The following CPM variants were observed in gnomAD, a reference collection of about 807,000 sequenced individuals.
The protein encoded by CPM is renal carboxypeptidase.
A neutral mutation model predicts 46.4 loss-of-function variants in CPM; 35 were observed. That is an observed-to-expected ratio of 0.75 (90% CI 0.58 to 1.00). The LOEUF (loss-of-function observed/expected upper bound fraction) is 1.00, where lower values mean the gene tolerates loss of function less well. Ranked by LOEUF, CPM falls within the 50% of genes least tolerant of loss-of-function variation. CPM has a pLI of 0.00. For missense variants in CPM, 422 were observed against 530.4 expected, an observed-to-expected ratio of 0.80 and a Z score of 2.01; for synonymous variants, 195 against 195.3, an observed-to-expected ratio of 1.00 and a Z score of 0.01.
At chr12:68,869,046 GGT>G (rs991619708) in intron 6 of CPM, among the ~76,000 whole-genome samples, 10 of 152,248 alleles carry the variant, frequency 6.6e-5, no homozygotes, top group African/African-American at 2.2e-4. Flanking sequence ...TCCAGGGTGA[GGT>G]GTGTGTCTTG....
chr12:68,855,674 T>C lies in CPM; in HGVS notation c.*763A>G, dbSNP rs558497307. 2.0e-5 allele frequency: 3 copies of C among 152,212 alleles called. No individual in the cohort carries two copies. The South Asian group carries it at 6.3e-4, about 32-fold the overall frequency. 9.4% of individuals were successfully genotyped at this position (152,212 alleles called of 1,614,324 possible). A position where few individuals can be genotyped will look rare whatever the true frequency, so the allele number is the denominator to read the frequency against. On this transcript the variant is annotated 3_prime_UTR_variant, in exon 9 of 9. Coordinates refer to ENST00000551568, the MANE Select transcript of CPM (RefSeq NM_198320.5). Reference sequence around the variant, plus strand: ...TCTCCCTTCTTCTGAGAACTAATTATATATGGCACTTAATATCTATTCACA... The same window carrying C: ...TCTCCCTTCTTCTGAGAACTAATTACATATGGCACTTAATATCTATTCACA...
intron 5 of CPM, chr12:68,845,464 A>G (rs1884216381): frequency 4.8e-6 from 1 of 207,276 alleles, no homozygotes; most frequent in East Asian, 7.4e-5. Context: ...CTTATTCATA[A>G]TGCATCTGAA....
intron 5 of CPM, 40 bp downstream of exon 5, chr12:68,870,175 C>A: frequency 6.3e-7 from 1 of 1,586,566 alleles, no homozygotes; most frequent in Non-Finnish European, 8.6e-7. Flanking sequence ...CAGCCCCACT[C>A]TGGACTTAAG....
intron 1 of CPM, among the ~76,000 whole-genome samples, chr12:68,950,357 C>A (rs1378843818): frequency 6.6e-6 from 1 of 151,986 alleles, no homozygotes; most frequent in Non-Finnish European, 1.5e-5. Context: ...TGTTATAAAT[C>A]TTGGGTTTCA....
chr12:68,936,187 A>G (rs781646991), upstream of CPM, among the ~76,000 whole-genome samples: 85 of 152,038 alleles, frequency 5.6e-4, no homozygotes, highest in Admixed American at 1.6e-3. Context: ...CTGTCACTCC[A>G]CTCCAAACCT....
At chr12:68,873,424 T>A (rs777632372) in intron 3 of CPM, among the ~76,000 whole-genome samples, 5 of 152,098 alleles carry the variant, frequency 3.3e-5, no homozygotes, top group Non-Finnish European at 5.9e-5. Flanking sequence ...ATGCCTGTAA[T>A]CTCAGCACTT....
In CPM at chr12:68,869,432, T is replaced by C. The variant is rs767872359; in HGVS notation, c.680A>G (p.His227Arg). 1.7e-5 allele frequency: 28 copies of C among 1,613,714 alleles called. No individual in the cohort carries two copies. In the African/African-American group the frequency reaches 3.7e-4, roughly 22 times the overall value. Residue 227 changes from histidine to arginine, a missense_variant, in exon 6 of 9, where the codon CAT becomes CGT. His to Arg is a conservative substitution (Grantham distance 29, BLOSUM62 0). Transcript: ENST00000551568. The part of the protein sequence containing the change: ...PDDDVFQYLA[H>R]TYASRNPNMK... ...GTTGGGATTTCTTGAAGCATAGGTA[T>C]GTGCAAGATATTGAAAAACATCATC...
At chr12:68,844,112 G>A (rs1884055669) in intron 5 of CPM, 1 of 207,374 alleles carries the variant, frequency 4.8e-6, no homozygotes, top group South Asian at 1.9e-4. Flanking sequence ...CATGTTTATG[G>A]GTTATTAAAA....
At chr12:68,961,878 T>C (rs1889119819) in intron 1 of CPM, among the ~76,000 whole-genome samples, 1 of 152,116 alleles carries the variant, frequency 6.6e-6, no homozygotes, top group Non-Finnish European at 1.5e-5. Context: ...AAGTGTTTCG[T>C]GGTCTTTTTA....
intron 2 of CPM, among the ~76,000 whole-genome samples, chr12:68,928,174 T>C (rs1888349574): frequency 6.6e-6 from 1 of 152,172 alleles, no homozygotes; most frequent in Non-Finnish European, 1.5e-5. Context: ...AAAGCAGAGA[T>C]ATAAATCAAT....
At chr12:68,958,026 C>CT (rs1292634615) in intron 1 of CPM, among the ~76,000 whole-genome samples, 6 of 152,094 alleles carry the variant, frequency 3.9e-5, no homozygotes, top group African/African-American at 9.7e-5. Context: ...AAAACTCATC[C>CT]TTTTTTATGG....
Position 68,938,807 on chromosome 12 carries a change from TACACACAC to T in CPM, c.-3-5975_-3-5968del, listed in dbSNP as rs745482830. Among the ~76,000 whole-genome samples the T allele has an allele frequency of 2.0e-5, 3 of 149,750 alleles. No homozygotes were observed. The East Asian group carries it at 5.8e-4, about 29-fold the overall frequency. On this transcript the variant is annotated intron_variant, in intron 1 of 8. Transcript: ENST00000546373. ...AAAGACATGAGAAAATATGTGTGTA[TACACACAC>T]ACACACACGTATATCTATATGTGTA...
At chr12:68,890,035 C>T (rs2870826) in intron 2 of CPM, among the ~76,000 whole-genome samples, 1 of 152,152 alleles carries the variant, frequency 6.6e-6, no homozygotes, top group African/African-American at 2.4e-5. Flanking sequence ...TGCCTGTACC[C>T]AGGTGCTCAT....
Position 68,919,826 on chromosome 12 carries a change from C to T in CPM, c.160+12852G>A, listed in dbSNP as rs146576676. Among the ~76,000 whole-genome samples the T allele has an allele frequency of 4.0e-3, 604 of 152,298 alleles. 4 individuals carry two copies. The highest frequency in any genetic ancestry group is 0.014 in the African/African-American group (579 of 41,562). On this transcript the variant is annotated intron_variant, in intron 2 of 8. Transcript: ENST00000551568. ...AGCAATGGAAAAAATTACGTGTCTG[C>T]CCCAATTGAACAATCTTTATCTGAA...
At chr12:68,952,221 G>A (rs571437508) in intron 1 of CPM, among the ~76,000 whole-genome samples, 14 of 152,340 alleles carry the variant, frequency 9.2e-5, no homozygotes, top group Admixed American at 3.3e-4. Flanking sequence ...ATGCAAATAT[G>A]TTTTGGGTTT....
At chr12:68,873,144 A>G (rs1885784455) in intron 3 of CPM, among the ~76,000 whole-genome samples, 1 of 152,242 alleles carries the variant, frequency 6.6e-6, no homozygotes. Context: ...CAGGGGCAGC[A>G]GGTGAGAAAA....
chr12:68,843,955 T>C (rs7970778), intron 5 of CPM: 11,860 of 209,850 alleles, frequency 0.057, 1,474 homozygotes, highest in African/African-American at 0.25. Flanking sequence ...ATTATTGGAG[T>C]TCATAATACT....
chr12:68,850,861 TGA>T (rs1884637670), downstream of CPM, among the ~76,000 whole-genome samples: 2 of 152,164 alleles, frequency 1.3e-5, no homozygotes, highest in Non-Finnish European at 2.9e-5. Context: ...ATATAAATTG[TGA>T]ATTTTCAAAT....
At chr12:68,867,187 A>T in intron 6 of CPM, 139 bp from the exon 7 acceptor site, 1 of 824,776 alleles carries the variant, frequency 1.2e-6, no homozygotes, top group Non-Finnish European at 2.0e-6. Flanking sequence ...TTGTAAAATC[A>T]GGGCTTGACA....
Sources: allele counts gnomAD v4.1 joint callset (sites outside exome capture counted in the v4.1 genomes callset), GRCh38; gene constraint gnomAD v4.1.1; transcripts MANE v1.5; gene names NCBI Gene and HGNC (gene_info 2026-07-23, HGNC 2026-07-21).